THRB: variants seen among roughly 807,000 people sequenced by gnomAD.
THRB encodes thyroid hormone receptor beta.
Under a neutral mutation model 47.8 loss-of-function variants are expected in THRB, and 12 were observed. That is an observed-to-expected ratio of 0.25 (90% CI 0.16 to 0.41). The LOEUF is 0.41. Among genes scored for constraint, THRB ranks in the 10% least tolerant of loss-of-function variants. The pLI is 1.00. For missense variants in THRB, 348 were observed against 589.2 expected, an observed-to-expected ratio of 0.59 and a Z score of 4.24; for synonymous variants, 218 against 212.2, an observed-to-expected ratio of 1.03 and a Z score of -0.24.
chr3:24,433,171 C>A (rs905738741), intron 1 of THRB, among the ~76,000 whole-genome samples: 9 of 152,012 alleles, frequency 5.9e-5, no homozygotes, highest in Admixed American at 5.9e-4. Flanking sequence ...AATAACAATA[C>A]CTATCTGTAG....
intron 5 of THRB, among the ~76,000 whole-genome samples, chr3:24,175,701 T>A (rs2041049953): frequency 6.6e-6 from 1 of 152,182 alleles, no homozygotes; most frequent in South Asian, 2.1e-4. Flanking sequence ...TGATGTGGCT[T>A]GAATATCATG....
intron 1 of THRB, among the ~76,000 whole-genome samples, chr3:24,492,608 A>C (rs1364169959): frequency 1.3e-5 from 2 of 152,236 alleles, no homozygotes; most frequent in African/African-American, 2.4e-5. Context: ...AAACAACTGC[A>C]AAAACCCCAG....
chr3:24,448,644 T>C (rs990605922), intron 1 of THRB, among the ~76,000 whole-genome samples: 21 of 152,204 alleles, frequency 1.4e-4, no homozygotes, highest in Non-Finnish European at 7.4e-5. Context: ...ACCCATTAAG[T>C]ACCTGTCATG....
chr3:24,452,091 A>G (rs2072719434), intron 1 of THRB, among the ~76,000 whole-genome samples: 1 of 152,216 alleles, frequency 6.6e-6, no homozygotes, highest in Non-Finnish European at 1.5e-5. Context: ...AGAAATGAGA[A>G]AGAGTCTTGG....
intron 1 of THRB, among the ~76,000 whole-genome samples, chr3:24,394,316 T>C (rs1424254845): frequency 2.0e-5 from 3 of 152,090 alleles, no homozygotes; most frequent in African/African-American, 7.2e-5. Flanking sequence ...CAGAGGCCAT[T>C]TGTGAAAGAC....
intron 3 of THRB, among the ~76,000 whole-genome samples, chr3:24,292,730 A>C (rs905533003): frequency 6.6e-6 from 1 of 152,220 alleles, no homozygotes; most frequent in South Asian, 2.1e-4. Flanking sequence ...TAACAGGATA[A>C]TTAAATGTTA....
intron 1 of THRB, among the ~76,000 whole-genome samples, chr3:24,471,206 G>A (rs2074543260): frequency 1.3e-5 from 2 of 152,192 alleles, no homozygotes; most frequent in Admixed American, 1.3e-4. Flanking sequence ...GTTTCCAGGA[G>A]CATCAGCATC....
chr3:24,392,981 A>T (rs2066690516), intron 1 of THRB, among the ~76,000 whole-genome samples: 1 of 152,134 alleles, frequency 6.6e-6, no homozygotes, highest in South Asian at 2.1e-4. Context: ...CTATTGAATT[A>T]ATTTCCCTTT....
intron 3 of THRB, among the ~76,000 whole-genome samples, chr3:24,283,499 A>C (rs1285187475): frequency 6.6e-6 from 1 of 151,372 alleles, no homozygotes; most frequent in East Asian, 1.9e-4. Flanking sequence ...CAAAAACTGG[A>C]AGCATTCCCT....
At chr3:24,182,626 T>C (rs1397701698) in intron 5 of THRB, among the ~76,000 whole-genome samples, 1 of 152,176 alleles carries the variant, frequency 6.6e-6, no homozygotes, top group Non-Finnish European at 1.5e-5. Flanking sequence ...ATAACTCCCA[T>C]CTATTGAGCA....
intron 3 of THRB, among the ~76,000 whole-genome samples, chr3:24,269,918 T>G (rs1248920063): frequency 1.3e-5 from 2 of 152,222 alleles, no homozygotes; most frequent in African/African-American, 4.8e-5. Context: ...CCTTCCTTCT[T>G]TGGCTTTTTC....
At chr3:24,230,665 C>A (rs767392716) in intron 3 of THRB, among the ~76,000 whole-genome samples, 7 of 152,108 alleles carry the variant, frequency 4.6e-5, no homozygotes, top group Non-Finnish European at 1.0e-4. Context: ...AACTGTGCTG[C>A]CATTAACCAC....
At chr3:24,281,271 G>A (rs2054568647) in intron 3 of THRB, among the ~76,000 whole-genome samples, 1 of 151,908 alleles carries the variant, frequency 6.6e-6, no homozygotes, top group Non-Finnish European at 1.5e-5. Context: ...GAAGAGAGTG[G>A]GGGCCAATAT....
At chr3:24,136,956 C>T (rs2034761404) in intron 8 of THRB, among the ~76,000 whole-genome samples, 1 of 152,190 alleles carries the variant, frequency 6.6e-6, no homozygotes, top group Non-Finnish European at 1.5e-5. Flanking sequence ...CTGTCTTTTC[C>T]AAATCCTATT....
intron 1 of THRB, among the ~76,000 whole-genome samples, chr3:24,485,284 T>C (rs1697118145): frequency 6.6e-6 from 1 of 152,248 alleles, no homozygotes; most frequent in Admixed American, 6.5e-5. Flanking sequence ...TATCATGTAA[T>C]CTGCTTTCAA....
At chr3:24,198,727 T>C (rs920093176) in intron 4 of THRB, among the ~76,000 whole-genome samples, 7 of 152,116 alleles carry the variant, frequency 4.6e-5, no homozygotes, top group Non-Finnish European at 1.0e-4. Flanking sequence ...CTCTTGTTGG[T>C]GTATGTTAGT....
chr3:24,450,381 G>T (rs147408602), intron 1 of THRB, among the ~76,000 whole-genome samples: 1 of 152,150 alleles, frequency 6.6e-6, no homozygotes, highest in Non-Finnish European at 1.5e-5. Flanking sequence ...ATGCCCTGAC[G>T]TTTATTTCCT....
chr3:24,456,274 G>A (rs929549092), intron 1 of THRB, among the ~76,000 whole-genome samples: 3 of 151,812 alleles, frequency 2.0e-5, no homozygotes, highest in East Asian at 1.9e-4. Flanking sequence ...GGTGGAGGCT[G>A]CAGTGAGCCA....
At chr3:24,486,035 C>T (rs1209665456) in intron 1 of THRB, among the ~76,000 whole-genome samples, 4 of 152,122 alleles carry the variant, frequency 2.6e-5, no homozygotes, top group Admixed American at 6.5e-5. Context: ...CAGTTCCAAA[C>T]GTCTACACCA....
Sources: gnomAD v4.1 joint callset for allele counts (sites outside exome capture counted in the v4.1 genomes callset) on GRCh38, gnomAD v4.1.1 for gene constraint, MANE v1.5 for transcripts, NCBI Gene and HGNC (gene_info 2026-07-23, HGNC 2026-07-21) for gene names.